Variants in NEU4 observed in about 807,000 individuals in gnomAD.
NEU4 encodes the protein sialidase-4.
In NEU4, 7 loss-of-function variants were observed where a neutral mutation model predicts 9.9. The ratio of observed to expected loss-of-function variants is 0.71; its 90% CI spans 0.40 to 1.33. The LOEUF (loss-of-function observed/expected upper bound fraction) is 1.33. NEU4 is among the 40% of genes most tolerant of loss of function. The pLI is 0.01. For synonymous variants in NEU4, 348 were observed against 316.9 expected, an observed-to-expected ratio of 1.10 and a Z score of -1.04; for missense variants, 717 against 712.6, an observed-to-expected ratio of 1.01 and a Z score of -0.07.
At chr2:241,813,033 G>A (rs1270727358) in intron 1 of NEU4, among the ~76,000 whole-genome samples, 2 of 152,224 alleles carry the variant, frequency 1.3e-5, no homozygotes, top group East Asian at 1.9e-4. Context: ...CTCAGAAGCC[G>A]CGCACTGGTG....
chr2:241,809,703 G>A (rs935564744), intron 1 of NEU4: 1 of 165,396 alleles, frequency 6.0e-6, no homozygotes, highest in Non-Finnish European at 1.3e-5. Context: ...AGATGCCCAG[G>A]GGAAGTGGGT....
chr2:241,813,792 C>G, intron 1 of NEU4: 1 of 306,124 alleles, frequency 3.3e-6, no homozygotes, highest in Non-Finnish European at 6.7e-6. Context: ...GCTGTGGCTC[C>G]CCCGATGACG....
At chr2:241,814,040 G>C (rs1700213502) in intron 1 of NEU4, 1 of 431,126 alleles carries the variant, frequency 2.3e-6, no homozygotes, top group South Asian at 1.8e-5. Flanking sequence ...CTCTATTCTG[G>C]GGACACTGAG....
At position 241,816,238 on chromosome 2, in the gene NEU4, G is replaced by C; in HGVS notation, c.645G>C (p.Val215=). 6.2e-7 allele frequency: 1 copy of C among 1,610,846 alleles called. No homozygotes were observed. Among genetic ancestry groups the C allele is most frequent in the Non-Finnish European group, 8.5e-7 (1 of 1,179,236 alleles). Residue 215 remains valine, a synonymous_variant, in exon 4 of 4, where the codon GTG becomes GTC. Transcript: ENST00000407683. The stretch of plus-strand genomic sequence containing the variant: ...GCACCTGGCGCTGTGGAGGCCTCGT[G>C]CCCAACCTGCGCTCAGGCGAGTGCC... ...HGRTWRCGGL[V]PNLRSGECQL...
chr2:241,816,612 G>T lies in NEU4; in HGVS notation c.1019G>T (p.Arg340Leu). 6.3e-7 allele frequency: 1 copy of T among 1,577,628 alleles called. No homozygotes were observed. ...GGGCCCTTCAGCCGTCTGCAGCCTCGGGGGGATGGCCCCAGGCAGCCTGGC... is the reference window on the plus strand; with the variant it reads ...GGGCCCTTCAGCCGTCTGCAGCCTCTGGGGGATGGCCCCAGGCAGCCTGGC... ...PGGPFSRLQPRGDGPRQPGPR... is the reference protein window; with the variant it reads ...PGGPFSRLQPLGDGPRQPGPR... The change falls in exon 4 of 4, where the codon CGG becomes CTG. Residue 340 changes from arginine (R) to leucine (L), a missense_variant. Physicochemically the swap from Arg to Leu is moderately radical, Grantham distance 102. Transcript: ENST00000407683.
intron 3 of NEU4, chr2:241,815,839 C>A: frequency 1.6e-6 from 1 of 607,644 alleles, no homozygotes. Flanking sequence ...TGGGTGCCGT[C>A]CACCTGGGCT....
chr2:241,811,599 AAC>A, intron 1 of NEU4: 3 of 692,614 alleles, frequency 4.3e-6, no homozygotes, highest in Non-Finnish European at 6.3e-6. Flanking sequence ...ACTCCTTGCC[AAC>A]CCCAGGGTGG....
intron 2 of NEU4, 87 bp from the exon 3 acceptor site, chr2:241,814,805 C>T: frequency 1.3e-6 from 2 of 1,545,766 alleles, no homozygotes; most frequent in Non-Finnish European, 1.8e-6. Flanking sequence ...GATGAGCAAA[C>T]CAGGCTCAGC....
At chr2:241,815,698 G>T (rs1304259790) in intron 3 of NEU4, 1 of 529,606 alleles carries the variant, frequency 1.9e-6, no homozygotes, top group Non-Finnish European at 3.6e-6. Context: ...GTGGCCACCT[G>T]ACCCCGGCCC....
chr2:241,817,130 G>A lies in NEU4; in HGVS notation c.*82G>A. ...CGTTGGGGTGCCCCACGATAGCTGT[G>A]GGGGGGGCTCTTAGTGCAGGATCCT... On this transcript the variant is annotated 3_prime_UTR_variant, in exon 4 of 4. Transcript: ENST00000407683. 5 of 1,366,962 alleles carry A rather than the reference G, an allele frequency of 3.7e-6. No homozygotes were observed. Among genetic ancestry groups the A allele is most frequent in the Non-Finnish European group, 4.8e-6 (5 of 1,032,640 alleles). 84.7% of individuals were successfully genotyped at this position (1,366,962 alleles called of 1,614,324 possible).
At chr2:241,812,921 T>G (rs1357433137) in intron 1 of NEU4, among the ~76,000 whole-genome samples, 2 of 152,198 alleles carry the variant, frequency 1.3e-5, no homozygotes, top group Non-Finnish European at 2.9e-5. Context: ...TGCTTGTGCC[T>G]GCTCAGCCCA....
Position 241,816,175 on chromosome 2 carries a change from C to T in NEU4, c.582C>T (p.Ser194=), listed in dbSNP as rs777198957. ...RECFGKICRT[S]PHSFAFYSDD... is the part of the protein sequence containing the mutation. ...GTTTTGGCAAGATCTGCCGGACCAG[C>T]CCTCACTCCTTCGCCTTCTACAGCG... Residue 194 remains serine, a synonymous_variant, in exon 4 of 4, where the codon AGC becomes AGT. Transcript: ENST00000407683. 1 of 1,612,678 alleles carries T rather than the reference C, an allele frequency of 6.2e-7. No individual in the cohort carries two copies. Among genetic ancestry groups the T allele is most frequent in the South Asian group, 1.1e-5 (1 of 91,024 alleles).
rs575800458 is a variant in NEU4 at position 241,813,659 on chromosome 2, G to A, written c.-3-823G>A. 23 of 655,512 alleles carry A rather than the reference G, an allele frequency of 3.5e-5. No homozygotes were observed. In the Admixed American group the frequency reaches 5.4e-4, roughly 15 times the overall value. The allele number at this position is 655,512 out of a possible 1,614,324, so 40.6% of individuals were successfully genotyped here. On this transcript the variant is annotated intron_variant, in intron 1 of 3. Transcript: ENST00000407683. ...GCTTTGGAGCTTCTGATTCCTGTGG[G>A]CGCTTCTCAGGTCAGGGCCCTGCAG...
At position 241,816,613 on chromosome 2, in the gene NEU4, G is replaced by C; in HGVS notation, c.1020G>C (p.Arg340=). 6.3e-7 allele frequency: 1 copy of C among 1,578,792 alleles called. No homozygotes were observed. Among genetic ancestry groups the C allele is most frequent in the Non-Finnish European group, 8.6e-7 (1 of 1,164,668 alleles). Residue 340 remains arginine, a synonymous_variant, in exon 4 of 4, where the codon CGG becomes CGC. Coordinates refer to ENST00000407683, the MANE Select transcript of NEU4 (RefSeq NM_001167600.3). The part of the protein sequence containing the change: ...PGGPFSRLQP[R]GDGPRQPGPR... The stretch of plus-strand genomic sequence containing the variant: ...GGCCCTTCAGCCGTCTGCAGCCTCG[G>C]GGGGATGGCCCCAGGCAGCCTGGCC...
intron 3 of NEU4, 47 bp from the exon 4 acceptor site, chr2:241,816,004 C>T (rs1316145394): frequency 8.6e-6 from 13 of 1,516,306 alleles, no homozygotes; most frequent in Non-Finnish European, 1.1e-5. Flanking sequence ...AGCCCCCCGA[C>T]CTCGGGGACC....
intron 1 of NEU4, chr2:241,813,876 GC>G (rs1339499149): frequency 8.9e-5 from 27 of 303,976 alleles, no homozygotes; most frequent in East Asian, 4.1e-4. Context: ...GGAAGTGGGA[GC>G]CGATCCCCTG....
intron 1 of NEU4, chr2:241,811,578 G>C: frequency 1.1e-6 from 1 of 918,752 alleles, no homozygotes. Flanking sequence ...TGGGGGTGCT[G>C]GACGAGTCCC....
At chr2:241,809,868 C>G (rs770827085) in intron 1 of NEU4, 2 of 154,748 alleles carry the variant, frequency 1.3e-5, no homozygotes, top group Non-Finnish European at 2.9e-5. Context: ...CCTGGCCAGA[C>G]AGCCCTGCTC....
In NEU4 at chr2:241,817,100, GA is replaced by G. The variant is rs1700381308; in HGVS notation, c.*54del. ...CTTGGGTGCCTGGGGCAGAGGGGTG[GA>G]ATACGTTGGGGTGCCCCACGATAGC... On this transcript the variant is annotated 3_prime_UTR_variant, in exon 4 of 4. Transcript: ENST00000407683. 8.1e-6 allele frequency: 12 copies of G among 1,479,238 alleles called. No homozygotes were observed. The East Asian group carries it at 2.8e-4, about 35-fold the overall frequency. The allele number at this position is 1,479,238 out of a possible 1,614,324, so 91.6% of individuals were successfully genotyped here. A position where few individuals can be genotyped will look rare whatever the true frequency, so the allele number is the denominator to read the frequency against.
Sources: allele counts gnomAD v4.1 joint callset (sites outside exome capture counted in the v4.1 genomes callset), GRCh38; gene constraint gnomAD v4.1.1; transcripts MANE v1.5; gene names NCBI Gene and HGNC (gene_info 2026-07-23, HGNC 2026-07-21).